Variants in CFAP95 observed in about 807,000 individuals in gnomAD.
CFAP95 encodes cilia- and flagella-associated protein 95.
At chr9:69,844,582 T>G in the CFAP95 span, 1 of 1,613,552 alleles carries the variant, frequency 6.2e-7, no homozygotes, top group South Asian at 1.1e-5. Flanking sequence ...GTTAAAAAAC[T>G]GTGTAATTCA....
the CFAP95 span, among the ~76,000 whole-genome samples, chr9:69,905,656 A>G: frequency 1.3e-5 from 2 of 152,154 alleles, no homozygotes; most frequent in African/African-American, 4.8e-5. Context: ...ATATGATCAT[A>G]AAATTTAAAT....
At chr9:69,869,551 G>C in the CFAP95 span, among the ~76,000 whole-genome samples, 4 of 152,248 alleles carry the variant, frequency 2.6e-5, no homozygotes, top group East Asian at 7.7e-4. Flanking sequence ...GATTATAGTT[G>C]ACTATAATGT....
chr9:69,842,312 T>C, the CFAP95 span, among the ~76,000 whole-genome samples: 3 of 152,186 alleles, frequency 2.0e-5, no homozygotes, highest in Non-Finnish European at 2.9e-5. Context: ...TTTCTGCAGA[T>C]GTAAGCAAGG....
chr9:69,898,308 G>A, the CFAP95 span, among the ~76,000 whole-genome samples: 2 of 152,112 alleles, frequency 1.3e-5, no homozygotes, highest in East Asian at 3.9e-4. Context: ...GTCCTTCATG[G>A]CTTCTTTATG....
chr9:69,831,046 C>T, the CFAP95 span, among the ~76,000 whole-genome samples: 1 of 152,026 alleles, frequency 6.6e-6, no homozygotes, highest in Non-Finnish European at 1.5e-5. Context: ...TATTATTGGT[C>T]ACACCGTGTA....
the CFAP95 span, among the ~76,000 whole-genome samples, chr9:69,840,403 C>T: frequency 6.6e-6 from 1 of 152,042 alleles, no homozygotes; most frequent in Non-Finnish European, 1.5e-5. Flanking sequence ...CCAGCTAAAG[C>T]CTGTTGTAGA....
the CFAP95 span, among the ~76,000 whole-genome samples, chr9:69,836,324 A>C: frequency 2.0e-5 from 3 of 151,916 alleles, no homozygotes; most frequent in African/African-American, 4.8e-5. Context: ...CATTTTGGGC[A>C]AGATACTTCT....
chr9:69,837,604 G>T, the CFAP95 span, among the ~76,000 whole-genome samples: 323 of 152,036 alleles, frequency 2.1e-3, 2 homozygotes, highest in African/African-American at 6.9e-3. Flanking sequence ...TAAATTTGTT[G>T]GAGTTCATTG....
At chr9:69,868,660 T>TA in the CFAP95 span, among the ~76,000 whole-genome samples, 1 of 41,874 alleles carries the variant, frequency 2.4e-5, no homozygotes, top group Non-Finnish European at 5.9e-5. Flanking sequence ...AGACTCTGTC[T>TA]CCAAAAAAAA....
the CFAP95 span, among the ~76,000 whole-genome samples, chr9:69,828,012 TC>T: frequency 6.6e-6 from 1 of 152,232 alleles, no homozygotes; most frequent in Non-Finnish European, 1.5e-5. Context: ...TCTAAAGTGT[TC>T]TTCAGAAGAT....
the CFAP95 span, among the ~76,000 whole-genome samples, chr9:69,857,222 G>A: frequency 6.6e-6 from 1 of 152,100 alleles, no homozygotes; most frequent in Non-Finnish European, 1.5e-5. Flanking sequence ...AGTTGGACTT[G>A]CATTCTAGTT....
the CFAP95 span, among the ~76,000 whole-genome samples, chr9:69,871,285 G>T: frequency 6.6e-6 from 1 of 152,062 alleles, no homozygotes; most frequent in African/African-American, 2.4e-5. Context: ...GGCATGCATG[G>T]TTCATCAAGC....
the CFAP95 span, among the ~76,000 whole-genome samples, chr9:69,843,511 T>A: frequency 0.027 from 24 of 878 alleles, 6 homozygotes; most frequent in African/African-American, 0.06. Flanking sequence ...CCCCCCCTCC[T>A]CCTCCTCCTC....
At chr9:69,872,474 T>C in the CFAP95 span, among the ~76,000 whole-genome samples, 1 of 152,180 alleles carries the variant, frequency 6.6e-6, no homozygotes. Context: ...AGAGACTTTC[T>C]CAAGGCTCCA....
chr9:69,867,191 C>T, the CFAP95 span, among the ~76,000 whole-genome samples: 542 of 152,222 alleles, frequency 3.6e-3, 1 homozygote, highest in Non-Finnish European at 5.0e-3. Context: ...ATTTTAATGG[C>T]GGGTAACAAT....
the CFAP95 span, among the ~76,000 whole-genome samples, chr9:69,875,639 A>G: frequency 6.6e-6 from 1 of 152,208 alleles, no homozygotes; most frequent in South Asian, 2.1e-4. Context: ...TGATAAGCAT[A>G]TCATTTGAGT....
At chr9:69,844,682 A>G in the CFAP95 span, 2 of 1,306,130 alleles carry the variant, frequency 1.5e-6, no homozygotes, top group South Asian at 2.5e-5. Context: ...AGTGAAACAT[A>G]AAAAGGTAAA....
chr9:69,861,749 A>AAC, the CFAP95 span, among the ~76,000 whole-genome samples: 826 of 148,408 alleles, frequency 5.6e-3, 10 homozygotes, highest in African/African-American at 0.019. Flanking sequence ...AAAAAAAAAA[A>AAC]AAAACACAAC....
the CFAP95 span, among the ~76,000 whole-genome samples, chr9:69,897,229 C>T: frequency 2.0e-5 from 3 of 152,302 alleles, no homozygotes; most frequent in East Asian, 1.9e-4. Context: ...AGCTTACTAA[C>T]TCAAATATCA....
Sources: gnomAD v4.1 joint callset for allele counts (sites outside exome capture counted in the v4.1 genomes callset) on GRCh38, gnomAD v4.1.1 for gene constraint, MANE v1.5 for transcripts, NCBI Gene and HGNC (gene_info 2026-07-23, HGNC 2026-07-21) for gene names.